The following ATAD2 variants were observed in gnomAD, a reference collection of about 807,000 sequenced individuals.
ATAD2 encodes the protein ATPase family AAA domain containing 2.
ATAD2 carries 62 observed loss-of-function variants against 168.9 expected under a neutral mutation model. The ratio of observed to expected loss-of-function variants is 0.37; its 90% CI spans 0.30 to 0.45. The LOEUF (loss-of-function observed/expected upper bound fraction) is 0.45, where lower values mean the gene tolerates loss of function less well. Among genes scored for constraint, ATAD2 ranks in the 20% least tolerant of loss-of-function variants. ATAD2 has a pLI of 1.00. For missense variants in ATAD2, 1,419 were observed against 1,667.8 expected (o/e 0.85, Z 2.60); for synonymous variants, 613 against 571.6 (o/e 1.07, Z -1.03).
chr8:123,325,946 C>T lies in ATAD2; in HGVS notation c.3949G>A (p.Ala1317Thr). Reference protein sequence around the residue: ...QQLITVEKALAILSQPTPSLV... With the variant: ...QQLITVEKALTILSQPTPSLV... Reference sequence around the variant, plus strand: ...GAGGGTGTAGGCTGAGAAAGAATTGCCAAAGCCTTTTCAACAGTGATGAGC... The same window carrying T: ...GAGGGTGTAGGCTGAGAAAGAATTGTCAAAGCCTTTTCAACAGTGATGAGC... The change falls in exon 26 of 28, where the codon GCA becomes ACA. Residue 1317 changes from alanine (A) to threonine (T), a missense_variant. This residue lies in a region of ATAD2 where 303 missense variants were observed against 304.3 expected (regional missense o/e 1.00). Transcript: ENST00000287394. The T allele has an allele frequency of 6.2e-7, 1 of 1,614,096 alleles. No homozygotes were observed. Among genetic ancestry groups the T allele is most frequent in the Non-Finnish European group, 8.5e-7 (1 of 1,179,996 alleles).
Position 123,408,599 on chromosome 8 carries a change from C to G in ATAD2, c.-2281-7424G>C, listed in dbSNP as rs182835662. Among the ~76,000 whole-genome samples, 73 of 152,312 alleles carry G rather than the reference C, an allele frequency of 4.8e-4. No individual in the cohort carries two copies. In the East Asian group the frequency reaches 0.014, roughly 29 times the overall value. On this transcript the variant is annotated intron_variant, in intron 1 of 28. Transcript: ENST00000521903. ...TGGCACGTTCTCGGCTCACTGAACC[C>G]TCCGCCTCTGGGGTTCAAGCTATTC...
chr8:123,407,157 G>A (rs1318345347), intron 1 of ATAD2, among the ~76,000 whole-genome samples: 2 of 152,218 alleles, frequency 1.3e-5, no homozygotes, highest in Non-Finnish European at 2.9e-5. Context: ...AGCCAGGAGA[G>A]AAGCATGGAA....
intron 1 of ATAD2, among the ~76,000 whole-genome samples, chr8:123,412,146 C>T (rs1359116980): frequency 6.6e-6 from 1 of 152,180 alleles, no homozygotes; most frequent in Non-Finnish European, 1.5e-5. Flanking sequence ...GGGCATCACT[C>T]TAGATATGGC....
chr8:123,362,664 C>T (rs1443296592), intron 8 of ATAD2, among the ~76,000 whole-genome samples: 1 of 152,058 alleles, frequency 6.6e-6, no homozygotes, highest in African/African-American at 2.4e-5. Flanking sequence ...GATCCGCCCG[C>T]CTCAGCCTCC....
intron 1 of ATAD2, among the ~76,000 whole-genome samples, chr8:123,392,966 T>C (rs1165945069): frequency 6.6e-6 from 1 of 151,966 alleles, no homozygotes; most frequent in African/African-American, 2.4e-5. Flanking sequence ...GGGCGGATCA[T>C]GAAGTCAGGA....
chr8:123,348,191 T>A lies in ATAD2; in HGVS notation c.1889A>T (p.Asn630Ile). ...LDTFLEELAENCVGYCGADIK... is the reference protein window; with the variant it reads ...LDTFLEELAEICVGYCGADIK... ...CTTAAAACAATGTTTACCAACACAG[T>A]TTTCTGCTAGCTCTTCTAAAAATGT... Residue 630 changes from asparagine to isoleucine, a missense_variant, in exon 15 of 28, where the codon AAC (asparagine) becomes ATC (isoleucine). Asn to Ile is a moderately radical substitution (Grantham distance 149). Coordinates refer to ENST00000287394, the MANE Select transcript of ATAD2 (RefSeq NM_014109.4). 1 of 1,588,180 alleles carries A rather than the reference T, an allele frequency of 6.3e-7. No homozygotes were observed. Among genetic ancestry groups the A allele is most frequent in the Non-Finnish European group, 8.6e-7 (1 of 1,169,328 alleles).
At chr8:123,340,233 C>G (rs535586247) in intron 19 of ATAD2, among the ~76,000 whole-genome samples, 4 of 152,046 alleles carry the variant, frequency 2.6e-5, no homozygotes, top group African/African-American at 9.7e-5. Context: ...TTCATTTTCC[C>G]AACCCCAAAT....
At chr8:123,364,556 T>A (rs145858505) in intron 8 of ATAD2, among the ~76,000 whole-genome samples, 1 of 152,078 alleles carries the variant, frequency 6.6e-6, no homozygotes, top group Non-Finnish European at 1.5e-5. Context: ...TCCAACAACG[T>A]ATCAAAAAAG....
chr8:123,340,947 CTTT>C (rs557121930), intron 19 of ATAD2, among the ~76,000 whole-genome samples: 2 of 143,406 alleles, frequency 1.4e-5, no homozygotes, highest in Non-Finnish European at 1.5e-5. Flanking sequence ...TAAGTTTTGT[CTTT>C]TTTTTTTTTT....
rs183871761 is a variant in ATAD2 at position 123,353,297 on chromosome 8, G to A, written c.1646+3092C>T. 3.9e-4 allele frequency among the ~76,000 whole-genome samples: 58 copies of A among 150,328 alleles called. No individual in the cohort carries two copies. The East Asian group carries it at 9.6e-3, about 25-fold the overall frequency. ...GAGAATAGCTTGAACCTGGGAGGTGGAGGTTGCAGTGAGCCAAGATCATAC... is the reference window on the plus strand; with the variant it reads ...GAGAATAGCTTGAACCTGGGAGGTGAAGGTTGCAGTGAGCCAAGATCATAC... On this transcript the variant is annotated intron_variant, in intron 13 of 27. Transcript: ENST00000287394.
At chr8:123,362,826 T>G (rs1166181398) in intron 8 of ATAD2, among the ~76,000 whole-genome samples, 1 of 152,216 alleles carries the variant, frequency 6.6e-6, no homozygotes, top group African/African-American at 2.4e-5. Flanking sequence ...TGGCCTTTTA[T>G]CAACAGTATA....
chr8:123,359,735 C>T, intron 9 of ATAD2, 50 bp from the exon 10 acceptor site: 1 of 1,249,132 alleles, frequency 8.0e-7, no homozygotes, highest in South Asian at 1.3e-5. Context: ...ACTCACCCTC[C>T]TTCCCAAATT....
At chr8:123,377,472 G>A (rs1237481472) in intron 2 of ATAD2, among the ~76,000 whole-genome samples, 1 of 151,972 alleles carries the variant, frequency 6.6e-6, no homozygotes, top group Non-Finnish European at 1.5e-5. Flanking sequence ...GGTAAAAACA[G>A]GACTTCCAAC....
rs1554645798 is a variant in ATAD2 at position 123,369,963 on chromosome 8, TTCA to T, written c.786_788del (p.Asp262del). On this transcript the variant is annotated inframe_deletion, in exon 7 of 28. Transcript: ENST00000287394. ...CATCATCGTCATCATCATCATCATC[TTCA>T]TCATCTTCATCTTCACCATCATCTT... 1.3e-6 allele frequency: 2 copies of T among 1,564,406 alleles called. No individual in the cohort carries two copies. Among genetic ancestry groups the T allele is most frequent in the South Asian group, 1.1e-5 (1 of 90,020 alleles).
chr8:123,327,016 C>T (rs1335949277), intron 25 of ATAD2, among the ~76,000 whole-genome samples: 1 of 152,134 alleles, frequency 6.6e-6, no homozygotes, highest in African/African-American at 2.4e-5. Context: ...TCAGGTGATT[C>T]TCCTGCCTCA....
intron 24 of ATAD2, among the ~76,000 whole-genome samples, chr8:123,332,072 G>A (rs1302017207): frequency 6.6e-6 from 1 of 152,084 alleles, no homozygotes; most frequent in Admixed American, 6.5e-5. Flanking sequence ...TTTTAAAATA[G>A]ACTTGTGTAT....
At chr8:123,371,572 A>C in intron 4 of ATAD2, 98 bp downstream of exon 4, 1 of 1,078,978 alleles carries the variant, frequency 9.3e-7, no homozygotes, top group Non-Finnish European at 1.3e-6. Context: ...TACGTAGTAG[A>C]ATGCATTAAA....
chr8:123,381,569 T>C (rs1050066102), intron 1 of ATAD2, among the ~76,000 whole-genome samples: 2 of 152,110 alleles, frequency 1.3e-5, no homozygotes, highest in African/African-American at 4.8e-5. Context: ...ACCATACAGC[T>C]TTATGTAACT....
At chr8:123,376,308 G>C (rs1195856441) in intron 2 of ATAD2, among the ~76,000 whole-genome samples, 1 of 151,662 alleles carries the variant, frequency 6.6e-6, no homozygotes, top group Admixed American at 6.6e-5. Flanking sequence ...TGGGAGGCTG[G>C]GGGAGGAGAA....
Sources: allele counts gnomAD v4.1 joint callset (sites outside exome capture counted in the v4.1 genomes callset), GRCh38; gene constraint gnomAD v4.1.1; regional missense constraint gnomAD v4.1.1; transcripts MANE v1.5; gene names NCBI Gene and HGNC (gene_info 2026-07-23, HGNC 2026-07-21).